Variants in RYR2 observed in about 807,000 individuals in gnomAD.
RYR2 encodes the protein ryanodine receptor 2.
RYR2 carries 227 observed loss-of-function variants against 601.1 expected under a neutral mutation model. That is an observed-to-expected ratio of 0.38 (90% CI 0.34 to 0.42). RYR2 has a LOEUF of 0.42. Ranked by LOEUF, RYR2 falls within the 10% of genes least tolerant of loss-of-function variation. The probability of loss-of-function intolerance (pLI) is 1.00; values close to 1 mark genes in which losing one functional copy is unlikely to be tolerated. For synonymous variants in RYR2, 2,223 were observed against 2,175.1 expected (o/e 1.02, Z -0.61); for missense variants, 4,646 against 6,156.5 (o/e 0.75, Z 8.21).
At chr1:237,666,356 G>A (rs182975071) in intron 56 of RYR2, among the ~76,000 whole-genome samples, 156 bp from the exon 57 acceptor site, 2 of 152,238 alleles carry the variant, frequency 1.3e-5, no homozygotes, top group East Asian at 1.9e-4. Flanking sequence ...TTTAATGTGC[G>A]AGATGTGTTT....
At position 237,732,125 on chromosome 1, in the gene RYR2, G is replaced by A; in HGVS notation, c.11015G>A (p.Ser3672Asn). 6.2e-7 allele frequency: 1 copy of A among 1,609,832 alleles called. No individual in the cohort carries two copies. The highest frequency in any genetic ancestry group is 8.5e-7 in the Non-Finnish European group (1 of 1,176,700). ...CTACATCAGCTGATCCTTCTGTTTA[G>A]TCGGACAGCTTTAACAGAGAAATGG... is the stretch of plus-strand genomic sequence containing the variant. ...DPLHQLILLF[S>N]RTALTEKCKL... The change falls in exon 78 of 105, where the codon AGT becomes AAT. Residue 3672 changes from serine to asparagine, a missense_variant. Ser to Asn is a conservative substitution (Grantham distance 46). Transcript: ENST00000366574.
At chr1:237,496,100 T>G (rs915057904) in intron 19 of RYR2, among the ~76,000 whole-genome samples, 34 of 152,182 alleles carry the variant, frequency 2.2e-4, no homozygotes, top group African/African-American at 8.2e-4. Flanking sequence ...GAAGCATGAC[T>G]AATGTTTAAA....
chr1:237,367,989 G>A (rs1440182358), intron 5 of RYR2, among the ~76,000 whole-genome samples: 1 of 152,148 alleles, frequency 6.6e-6, no homozygotes, highest in Non-Finnish European at 1.5e-5. Flanking sequence ...GGGGAGGAGG[G>A]TTCTTGTGTA....
At chr1:237,125,964 C>T (rs1042971567) in intron 1 of RYR2, among the ~76,000 whole-genome samples, 1 of 152,194 alleles carries the variant, frequency 6.6e-6, no homozygotes, top group African/African-American at 2.4e-5. Context: ...AGGCCGGGCA[C>T]AGTGGCTCAC....
intron 10 of RYR2, among the ~76,000 whole-genome samples, chr1:237,397,845 C>A (rs1703006237): frequency 6.6e-6 from 1 of 152,008 alleles, no homozygotes; most frequent in South Asian, 2.1e-4. Flanking sequence ...CCTCAGCCTC[C>A]CGAGTAGCTG....
At chr1:237,452,077 T>TGTGTGTGTGTGTG (rs1553457209) in intron 14 of RYR2, among the ~76,000 whole-genome samples, 23 of 74,448 alleles carry the variant, frequency 3.1e-4, no homozygotes, top group African/African-American at 5.6e-4. Context: ...ATATAAAATT[T>TGTGTGTGTGTGTG]TGTGTGTGTG....
intron 2 of RYR2, among the ~76,000 whole-genome samples, chr1:237,304,652 G>A (rs1306875329): frequency 6.6e-6 from 1 of 152,062 alleles, no homozygotes; most frequent in Non-Finnish European, 1.5e-5. Flanking sequence ...TTTTCTCTTG[G>A]CATTTATTTA....
intron 3 of RYR2, among the ~76,000 whole-genome samples, chr1:237,353,392 C>T (rs755899981): frequency 7.9e-5 from 12 of 151,458 alleles, no homozygotes; most frequent in Non-Finnish European, 1.6e-4. Flanking sequence ...ACCTGTAATC[C>T]CAGCTATCCA....
chr1:237,297,926 AT>A (rs71661539), intron 2 of RYR2, among the ~76,000 whole-genome samples: 1,418 of 133,254 alleles, frequency 0.011, 14 homozygotes, highest in Non-Finnish European at 0.015. Flanking sequence ...AATTTTTTGT[AT>A]TTTTTTTTTT....
At chr1:237,548,774 TGTGATC>T (rs1670084963) in intron 26 of RYR2, among the ~76,000 whole-genome samples, 184 bp downstream of exon 26, 1 of 152,218 alleles carries the variant, frequency 6.6e-6, no homozygotes, top group Non-Finnish European at 1.5e-5. Context: ...TAGTTCTGGC[TGTGATC>T]GTGAACACAT....
intron 1 of RYR2, among the ~76,000 whole-genome samples, chr1:237,057,745 T>C (rs926139585): frequency 1.3e-5 from 2 of 152,148 alleles, no homozygotes; most frequent in African/African-American, 4.8e-5. Context: ...TGGTGATTGA[T>C]GTTGCAAGTT....
intron 1 of RYR2, among the ~76,000 whole-genome samples, chr1:237,101,344 C>CT (rs1558234356): frequency 7.5e-6 from 1 of 132,664 alleles, no homozygotes; most frequent in Admixed American, 7.7e-5. Context: ...CAAGATGTTT[C>CT]TTTTTTGTGC....
At chr1:237,193,165 T>TGCAAAAAAAAAA (rs1402978522) in intron 1 of RYR2, among the ~76,000 whole-genome samples, 33 of 2,744 alleles carry the variant, frequency 0.012, no homozygotes, top group African/African-American at 0.02. Flanking sequence ...CTGCTAAAAG[T>TGCAAAAAAAAAA]ACAAAAAAAA....
At chr1:237,382,189 T>C (rs1701577706) in intron 8 of RYR2, among the ~76,000 whole-genome samples, 2 of 152,182 alleles carry the variant, frequency 1.3e-5, no homozygotes, top group African/African-American at 4.8e-5. Context: ...ATCAGGTTAC[T>C]TAATGAAACA....
At position 237,492,822 on chromosome 1, in the gene RYR2, TGAAAGGAA is replaced by T. The variant is rs1347787770; in HGVS notation, c.1828-130_1828-123del. On this transcript the variant is annotated intron_variant, in intron 18 of 104. Transcript: ENST00000366574. ...CTGGGTGACAGAGTGAGATGCTGTCTGAAAGGAAGGAAGGAAGGAAGGAAGGAAGGAAG... is the reference window on the plus strand; with the variant it reads ...CTGGGTGACAGAGTGAGATGCTGTCTGGAAGGAAGGAAGGAAGGAAGGAAG... 0.011 allele frequency: 8,692 copies of T among 819,622 alleles called. 288 individuals are homozygous for T. The highest frequency in any genetic ancestry group is 0.011 in the Non-Finnish European group (6,281 of 563,336). The allele number at this position is 819,622 out of a possible 1,614,324, so 50.8% of individuals were successfully genotyped here. A position where few individuals can be genotyped will look rare whatever the true frequency, so the allele number is the denominator to read the frequency against.
intron 29 of RYR2, among the ~76,000 whole-genome samples, chr1:237,571,500 A>T (rs1414978785): frequency 1.3e-5 from 2 of 151,956 alleles, no homozygotes; most frequent in African/African-American, 2.4e-5. Context: ...TTTTTAGTAG[A>T]GACGGGGTTT....
intron 1 of RYR2, among the ~76,000 whole-genome samples, chr1:237,132,904 G>C (rs1672310430): frequency 6.6e-6 from 1 of 152,114 alleles, no homozygotes; most frequent in African/African-American, 2.4e-5. Flanking sequence ...GATTCTCACT[G>C]GTCCCACTTA....
At position 237,496,499 on chromosome 1, in the gene RYR2, G is replaced by T. The variant is rs368241264; in HGVS notation, c.1962-12G>T. ...TGGACTTTCCTTACATGTGATTCCC[G>T]TCTCTTTAAAGCATGAGACCCAATA... On this transcript the variant is annotated splice_polypyrimidine_tract_variant and intron_variant, in intron 19 of 104. Transcript: ENST00000366574. 11 of 1,609,018 alleles carry T rather than the reference G, an allele frequency of 6.8e-6. No individual in the cohort carries two copies. Among genetic ancestry groups the T allele is most frequent in the Non-Finnish European group, 9.4e-6 (11 of 1,175,824 alleles).
intron 14 of RYR2, among the ~76,000 whole-genome samples, chr1:237,447,981 G>A (rs981147579): frequency 4.0e-5 from 6 of 150,958 alleles, no homozygotes; most frequent in African/African-American, 1.5e-4. Context: ...AGACTAGAGT[G>A]CAATGGCCCT....
Sources: gnomAD v4.1 joint callset for allele counts (sites outside exome capture counted in the v4.1 genomes callset) on GRCh38, gnomAD v4.1.1 for gene constraint, MANE v1.5 for transcripts, NCBI Gene and HGNC (gene_info 2026-07-23, HGNC 2026-07-21) for gene names.